The following VAV2 variants were observed in gnomAD, a reference collection of about 807,000 sequenced individuals.
VAV2 encodes vav guanine nucleotide exchange factor 2, also known as guanine nucleotide exchange factor VAV2.
Under a neutral mutation model 132.5 loss-of-function variants are expected in VAV2, and 67 were observed. The observed-to-expected ratio is 0.51, with a 90% CI of 0.42 to 0.62. VAV2 has a LOEUF of 0.62. Ranked by LOEUF, VAV2 falls within the 20% of genes least tolerant of loss-of-function variation. VAV2 has a pLI of 0.00. For missense variants in VAV2, 938 were observed against 1,153.6 expected, an observed-to-expected ratio of 0.81 and a Z score of 2.71; for synonymous variants, 492 against 443.5, an observed-to-expected ratio of 1.11 and a Z score of -1.37.
rs767351898 is a variant in VAV2, at chr9:133,939,611, T to A, written c.205-392A>T. 5.6e-4 allele frequency among the ~76,000 whole-genome samples: 85 copies of A among 152,268 alleles called. 1 individual carries two copies. Among genetic ancestry groups the A allele is most frequent in the Non-Finnish European group, 9.3e-4 (63 of 68,020 alleles). On this transcript the variant is annotated intron_variant, in intron 1 of 29. Coordinates refer to ENST00000371850, the MANE Select transcript of VAV2 (RefSeq NM_001134398.2). The stretch of plus-strand genomic sequence containing the variant: ...CCTCCATGACCATCCAACCCAGCTC[T>A]CCCAGGCGCACCCAGCACATGTCGA...
chr9:133,870,957 CGGGTGGGT>C (rs1347260688), intron 2 of VAV2, among the ~76,000 whole-genome samples: 1 of 5,606 alleles, frequency 1.8e-4, no homozygotes, highest in South Asian at 4.3e-3. Flanking sequence ...GATGGGTAGA[CGGGTGGGT>C]GGGTGGGTAG....
intron 4 of VAV2, among the ~76,000 whole-genome samples, chr9:133,818,384 A>AG (rs1835652757): frequency 2.0e-5 from 3 of 146,452 alleles, no homozygotes; most frequent in Non-Finnish European, 4.5e-5. Flanking sequence ...AAAAAAAAAA[A>AG]TGGGTGGACT....
chr9:133,951,044 G>A (rs911993743), intron 1 of VAV2, among the ~76,000 whole-genome samples: 5 of 152,186 alleles, frequency 3.3e-5, no homozygotes, highest in African/African-American at 9.6e-5. Flanking sequence ...CTGAAGGAAC[G>A]ATTCTCGCTA....
intron 2 of VAV2, among the ~76,000 whole-genome samples, chr9:133,873,849 C>T (rs1403405261): frequency 1.3e-5 from 2 of 152,226 alleles, no homozygotes; most frequent in Admixed American, 6.5e-5. Context: ...CAAGCCCACC[C>T]AGCAACTTCC....
At chr9:133,932,289 C>T (rs60232757) in intron 2 of VAV2, among the ~76,000 whole-genome samples, 2,188 of 152,318 alleles carry the variant, frequency 0.014, 49 homozygotes, top group African/African-American at 0.049. Context: ...CAGGCCGTGG[C>T]GGGGAGCAGG....
Position 133,958,543 on chromosome 9 carries a change from G to A in VAV2, c.205-19324C>T, listed in dbSNP as rs490177. 1.4e-5 allele frequency among the ~76,000 whole-genome samples: 2 copies of A among 145,442 alleles called. 1 individual carries two copies. Among genetic ancestry groups the A allele is most frequent in the African/African-American group, 4.9e-5 (2 of 40,494 alleles). On this transcript the variant is annotated intron_variant, in intron 1 of 29. Coordinates refer to ENST00000371850, the MANE Select transcript of VAV2 (RefSeq NM_001134398.2). ...TGTGACCCTGACACATCCCCCTCTC[G>A]GAGAAACACCCACGAATGACCAATA... is the stretch of plus-strand genomic sequence containing the variant.
chr9:133,786,492 G>A (rs886579211), intron 16 of VAV2, among the ~76,000 whole-genome samples: 3 of 152,208 alleles, frequency 2.0e-5, no homozygotes, highest in African/African-American at 4.8e-5. Context: ...ATGTTAAGCG[G>A]GGGCAGGATC....
At chr9:133,781,042 G>A (rs766561933) in intron 19 of VAV2, among the ~76,000 whole-genome samples, 14 of 152,218 alleles carry the variant, frequency 9.2e-5, no homozygotes, top group Non-Finnish European at 7.3e-5. Flanking sequence ...TGGATCATGG[G>A]GTGGTACCTG....
intron 25 of VAV2, among the ~76,000 whole-genome samples, chr9:133,772,853 A>T (rs1455032610): frequency 6.6e-6 from 1 of 151,870 alleles, no homozygotes; most frequent in Non-Finnish European, 1.5e-5. Context: ...TGCCTACTGC[A>T]CACCCCACAC....
In VAV2 at chr9:133,842,957, G is replaced by A. The variant is rs1342806828; in HGVS notation, c.381-8617C>T. Among the ~76,000 whole-genome samples, 7 of 152,332 alleles carry A rather than the reference G, an allele frequency of 4.6e-5. No individual in the cohort carries two copies. The East Asian group carries it at 5.8e-4, about 13-fold the overall frequency. On this transcript the variant is annotated intron_variant, in intron 3 of 29. Transcript: ENST00000371850. ...TTATTGAGGGAGTCACCTGGGTGCC[G>A]CCTTCTAATTGGCAGGGAGGCCTTG... is the stretch of plus-strand genomic sequence containing the variant.
chr9:133,945,434 C>T (rs866761656), intron 1 of VAV2, among the ~76,000 whole-genome samples: 43 of 152,192 alleles, frequency 2.8e-4, no homozygotes, highest in African/African-American at 9.7e-4. Context: ...AGCACGCATG[C>T]GCCATTTCAC....
At chr9:133,896,414 A>G (rs1839207202) in intron 2 of VAV2, among the ~76,000 whole-genome samples, 1 of 152,222 alleles carries the variant, frequency 6.6e-6, no homozygotes, top group African/African-American at 2.4e-5. Context: ...AGATCGCGCC[A>G]TTGCACTCCA....
Position 133,991,854 on chromosome 9 carries a change from G to A in VAV2, c.204+221C>T, listed in dbSNP as rs1843032034. ...CAGAGCAGTGCCCGCGGGCGGCGGC[G>A]GCGCGACCCAGGCTGAGGGGACTTT... On this transcript the variant is annotated intron_variant, in intron 1 of 29. Coordinates refer to ENST00000371850, the MANE Select transcript of VAV2 (RefSeq NM_001134398.2). This position sits in a 1 kb window ranked among gnomAD's most constrained non-coding sequence, Gnocchi z 4.8. 6.6e-6 allele frequency among the ~76,000 whole-genome samples: 1 copy of A among 150,948 alleles called. No homozygotes were observed. Among genetic ancestry groups the A allele is most frequent in the South Asian group, 2.1e-4 (1 of 4,832 alleles).
rs535615248 is a variant in VAV2, at chr9:133,784,188, T to G, written c.1634+129A>C. ...ATGCCTGGCACGGGCCTGACTCTTG[T>G]GGGGTATACTCCCTTAACCCCTCAG... On this transcript the variant is annotated intron_variant, in intron 18 of 29. Transcript: ENST00000371850. The G allele has an allele frequency of 9.0e-6, 9 of 997,792 alleles. No individual in the cohort carries two copies. The African/African-American group carries it at 1.4e-4, about 16-fold the overall frequency. The allele number at this position is 997,792 out of a possible 1,614,324, so 61.8% of individuals were successfully genotyped here.
At position 133,912,465 on chromosome 9, in the gene VAV2, C is replaced by T. The variant is rs147863927; in HGVS notation, c.321+26638G>A. 1.9e-3 allele frequency among the ~76,000 whole-genome samples: 293 copies of T among 152,246 alleles called. 2 individuals carry two copies. The highest frequency in any genetic ancestry group is 6.8e-3 in the African/African-American group (281 of 41,548). On this transcript the variant is annotated intron_variant, in intron 2 of 29. Coordinates refer to ENST00000371850, the MANE Select transcript of VAV2 (RefSeq NM_001134398.2). The surrounding 1 kb of genome is among the most constrained non-coding windows in gnomAD (Gnocchi z 4.3). Reference sequence around the variant, plus strand: ...GCAGTGGCGCTTTTCCATCTGTACCCCAACATGTCAGGGTATATCAACACC... The same window carrying T: ...GCAGTGGCGCTTTTCCATCTGTACCTCAACATGTCAGGGTATATCAACACC...
intron 1 of VAV2, among the ~76,000 whole-genome samples, chr9:133,945,238 T>C (rs1487638375): frequency 6.6e-6 from 1 of 152,198 alleles, no homozygotes; most frequent in East Asian, 1.9e-4. Flanking sequence ...CATTATTTTT[T>C]CTTTTTTAAA....
At position 133,824,902 on chromosome 9, in the gene VAV2, G is replaced by A. The variant is rs977131389; in HGVS notation, c.449+9370C>T. Among the ~76,000 whole-genome samples the A allele has an allele frequency of 2.0e-5, 3 of 152,204 alleles. No individual in the cohort carries two copies. The highest frequency in any genetic ancestry group is 7.2e-5 in the African/African-American group (3 of 41,456). Reference sequence around the variant, plus strand: ...CTCAGGGCCCGGCCTGCAGCGCTCAGGGAGATGCAACTGGAAGCGTCTTGA... The same window carrying A: ...CTCAGGGCCCGGCCTGCAGCGCTCAAGGAGATGCAACTGGAAGCGTCTTGA... On this transcript the variant is annotated intron_variant, in intron 4 of 29. Transcript: ENST00000371850. The surrounding 1 kb of genome is among the most constrained non-coding windows in gnomAD (Gnocchi z 5.2).
chr9:133,916,743 C>T (rs1384497885), intron 2 of VAV2, among the ~76,000 whole-genome samples: 3 of 152,142 alleles, frequency 2.0e-5, no homozygotes, highest in South Asian at 2.1e-4. Context: ...AAGGACACCC[C>T]GGATGCCTCC....
chr9:133,894,673 C>T (rs1047859845), intron 2 of VAV2, among the ~76,000 whole-genome samples: 1 of 152,154 alleles, frequency 6.6e-6, no homozygotes, highest in Admixed American at 6.5e-5. Context: ...CCCAAGGGGA[C>T]CACAAACCCC....
Sources: allele counts gnomAD v4.1 joint callset (sites outside exome capture counted in the v4.1 genomes callset), GRCh38; gene constraint gnomAD v4.1.1; non-coding constraint Gnocchi (gnomAD v3.1); transcripts MANE v1.5; gene names NCBI Gene and HGNC (gene_info 2026-07-23, HGNC 2026-07-21).